Variants in SPEN observed in about 807,000 individuals in gnomAD.
SPEN encodes spen family transcriptional repressor.
A neutral mutation model predicts 269.9 loss-of-function variants in SPEN; 18 were observed. The observed-to-expected ratio is 0.07, with a 90% CI of 0.05 to 0.10. The LOEUF is 0.10. SPEN is among the 10% of genes least tolerant of loss of function. The pLI is 1.00. For missense variants in SPEN, 3,822 were observed against 4,631.2 expected (o/e 0.83, Z 5.07); for synonymous variants, 1,726 against 1,765.7 (o/e 0.98, Z 0.56).
chr1:15,900,447 TA>T (rs1459634387), intron 3 of SPEN, among the ~76,000 whole-genome samples: 3 of 152,220 alleles, frequency 2.0e-5, no homozygotes, highest in African/African-American at 7.2e-5. Flanking sequence ...TTAAAAATTA[TA>T]AAATGGTTTT....
intron 3 of SPEN, among the ~76,000 whole-genome samples, chr1:15,904,445 T>TC: frequency 2.5e-5 from 1 of 40,772 alleles, no homozygotes; most frequent in African/African-American, 1.3e-4. Flanking sequence ...AGAGCGAAAC[T>TC]CCATCTCAAA....
intron 1 of SPEN, among the ~76,000 whole-genome samples, chr1:15,872,306 G>T (rs1369745950): frequency 6.7e-6 from 1 of 149,040 alleles, no homozygotes; most frequent in Non-Finnish European, 1.5e-5. Flanking sequence ...TATATTTAAG[G>T]AATGGGCCGG....
intron 1 of SPEN, among the ~76,000 whole-genome samples, chr1:15,862,852 C>T (rs1368827705): frequency 1.3e-5 from 2 of 151,884 alleles, no homozygotes; most frequent in Non-Finnish European, 2.9e-5. Flanking sequence ...AGCTCCGCCT[C>T]CCAGGTTCAC....
chr1:15,918,465 C>T (rs1034880297), intron 6 of SPEN, among the ~76,000 whole-genome samples: 6 of 152,330 alleles, frequency 3.9e-5, no homozygotes, highest in East Asian at 1.9e-4. Context: ...GTGATCCGCC[C>T]GCCTCCACCT....
chr1:15,936,938 G>A (rs563527805), intron 11 of SPEN, among the ~76,000 whole-genome samples: 1 of 152,054 alleles, frequency 6.6e-6, no homozygotes, highest in Non-Finnish European at 1.5e-5. Flanking sequence ...ATATGGGGAG[G>A]GAGCTCTTGC....
At chr1:15,873,656 C>T (rs952625892) in intron 2 of SPEN, 47 of 996,022 alleles carry the variant, frequency 4.7e-5, no homozygotes, top group Non-Finnish European at 5.6e-5. Flanking sequence ...ATTCTACAAA[C>T]AATACTTTAA....
chr1:15,929,733 C>T lies in SPEN; in HGVS notation c.3493C>T (p.His1165Tyr), dbSNP rs1206861684. ...TEEKIGIDID[H>Y]TQSYRKQMEQ... is the part of the protein sequence containing the mutation. Reference sequence around the variant, plus strand: ...AGAAAAAATTGGCATTGACATCGATCACACGCAGAGTTACCGAAAACAAAT... The same window carrying T: ...AGAAAAAATTGGCATTGACATCGATTACACGCAGAGTTACCGAAAACAAAT... Residue 1165 changes from histidine to tyrosine, a missense_variant, in exon 11 of 15, where the codon CAC (histidine) becomes TAC (tyrosine). Physicochemically the swap from His to Tyr is moderately conservative, Grantham distance 83 (BLOSUM62 2). Coordinates refer to ENST00000375759, the MANE Select transcript of SPEN (RefSeq NM_015001.3). The surrounding 1 kb of genome is among the most constrained non-coding windows in gnomAD (Gnocchi z 5.8). 2.5e-6 allele frequency: 4 copies of T among 1,613,972 alleles called. No individual in the cohort carries two copies. The South Asian group carries it at 4.4e-5, about 18-fold the overall frequency.
intron 3 of SPEN, among the ~76,000 whole-genome samples, chr1:15,903,821 T>C (rs1274195432): frequency 1.3e-5 from 2 of 152,170 alleles, no homozygotes; most frequent in Non-Finnish European, 2.9e-5. Flanking sequence ...TTTTAATTGA[T>C]ATTGAACATG....
At chr1:15,859,172 T>G (rs1442877760) in intron 1 of SPEN, among the ~76,000 whole-genome samples, 2 of 135,516 alleles carry the variant, frequency 1.5e-5, no homozygotes, top group Non-Finnish European at 3.1e-5. Flanking sequence ...AGAGATGGGG[T>G]CTGACTATGT....
At chr1:15,926,398 C>T (rs1279335129) in intron 10 of SPEN, among the ~76,000 whole-genome samples, 2 of 151,258 alleles carry the variant, frequency 1.3e-5, no homozygotes, top group East Asian at 3.9e-4. Flanking sequence ...CACACACACA[C>T]ACACACACAC....
chr1:15,910,506 A>G (rs1227240794), intron 4 of SPEN, among the ~76,000 whole-genome samples: 1 of 152,050 alleles, frequency 6.6e-6, no homozygotes, highest in Non-Finnish European at 1.5e-5. Context: ...TATGAAACCT[A>G]CCCCAAAGTA....
rs143503585 is a variant in SPEN, at chr1:15,932,710, G to T, written c.6470G>T (p.Gly2157Val). 230 of 1,614,120 alleles carry T rather than the reference G, an allele frequency of 1.4e-4. 1 individual carries two copies. In the African/African-American group the frequency reaches 2.9e-3, roughly 20 times the overall value. ...EPEKEDVSAS[G>V]PSPEATQLAK... ...GAGAAAGAAGACGTGTCTGCCTCTG[G>T]GCCGTCCCCAGAAGCCACCCAGTTA... Residue 2157 changes from glycine (G) to valine (V), a missense_variant, in exon 11 of 15, where the codon GGG (glycine) becomes GTG (valine). Physicochemically the swap from Gly to Val is moderately radical, Grantham distance 109. This residue lies in a region of SPEN where 727 missense variants were observed against 737.9 expected (regional missense o/e 0.99). Coordinates refer to ENST00000375759, the MANE Select transcript of SPEN (RefSeq NM_015001.3). The surrounding 1 kb of genome is among the most constrained non-coding windows in gnomAD (Gnocchi z 4.2).
rs114444513 is a variant in SPEN, at chr1:15,910,816, C to T, written c.1043-285C>T. Among the ~76,000 whole-genome samples, 629 of 152,096 alleles carry T rather than the reference C, an allele frequency of 4.1e-3. 4 individuals are homozygous for T. Among genetic ancestry groups the T allele is most frequent in the African/African-American group, 0.015 (606 of 41,498 alleles). On this transcript the variant is annotated intron_variant, in intron 4 of 14. Coordinates refer to ENST00000375759, the MANE Select transcript of SPEN (RefSeq NM_015001.3). ...TATTTTCAGAATTGTACAATAATCTCGAAACCGTGTTTTTAGAGCTTTTTT... is the reference window on the plus strand; with the variant it reads ...TATTTTCAGAATTGTACAATAATCTTGAAACCGTGTTTTTAGAGCTTTTTT...
Position 15,936,246 on chromosome 1 carries a change from C to A in SPEN, c.10006C>A (p.Arg3336=), listed in dbSNP as rs369486221. ...CGCTTCCTCTGTTGGCCTGCCTTCCCGGACCAAGACAGCTGCTCAGGTGAG... is the reference window on the plus strand; with the variant it reads ...CGCTTCCTCTGTTGGCCTGCCTTCCAGGACCAAGACAGCTGCTCAGGTGAG... ...PAASSVGLPS[R]TKTAAQGPPP... is the part of the protein sequence containing the mutation. The change falls in exon 11 of 15, where the codon CGG becomes AGG. Residue 3336 remains arginine (R), a synonymous_variant. Coordinates refer to ENST00000375759, the MANE Select transcript of SPEN (RefSeq NM_015001.3). 7 of 1,550,126 alleles carry A rather than the reference C, an allele frequency of 4.5e-6. No individual in the cohort carries two copies. Among genetic ancestry groups the A allele is most frequent in the African/African-American group, 4.1e-5 (3 of 73,888 alleles).
Position 15,931,807 on chromosome 1 carries a change from A to G in SPEN, c.5567A>G (p.Asn1856Ser), listed in dbSNP as rs113470169. ...GACCGGGAAAAACTCAAGCGGTCCA[A>G]TTCTCCTCGGGGAGAAGCACAGAAG... ...RIDREKLKRS[N>S]SPRGEAQKLL... Residue 1856 changes from asparagine to serine, a missense_variant, in exon 11 of 15, where the codon AAT becomes AGT. Around this residue, in one of 16 missense-constraint regions of SPEN, gnomAD observed 533 missense variants for 618.8 expected, o/e 0.86. Coordinates refer to ENST00000375759, the MANE Select transcript of SPEN (RefSeq NM_015001.3). The surrounding 1 kb of genome is among the most constrained non-coding windows in gnomAD (Gnocchi z 4.8). The G allele has an allele frequency of 7.2e-3, 11,648 of 1,614,232 alleles. 60 individuals are homozygous for G. Among genetic ancestry groups the G allele is most frequent in the Non-Finnish European group, 9.0e-3 (10,602 of 1,180,044 alleles).
Position 15,930,044 on chromosome 1 carries a change from C to A in SPEN, c.3804C>A (p.Ser1268=), listed in dbSNP as rs151219539. 6.2e-7 allele frequency: 1 copy of A among 1,614,158 alleles called. No homozygotes were observed. The highest frequency in any genetic ancestry group is 1.3e-5 in the African/African-American group (1 of 75,044). Residue 1268 remains serine, a synonymous_variant, in exon 11 of 15, where the codon TCC becomes TCA. Coordinates refer to ENST00000375759, the MANE Select transcript of SPEN (RefSeq NM_015001.3). The surrounding 1 kb of genome is among the most constrained non-coding windows in gnomAD (Gnocchi z 5.3). ...TGGSPSVRHG[S]FHEDEDPIGS... is the part of the protein sequence containing the mutation. ...GTTCTCCCAGTGTCCGACATGGTTC[C>A]TTCCATGAAGATGAGGATCCCATAG... is the stretch of plus-strand genomic sequence containing the variant.
At position 15,928,852 on chromosome 1, in the gene SPEN, G is replaced by T. The variant is rs747275202; in HGVS notation, c.2612G>T (p.Arg871Leu). 2.5e-6 allele frequency: 4 copies of T among 1,613,974 alleles called. No individual in the cohort carries two copies. Among genetic ancestry groups the T allele is most frequent in the Admixed American group, 1.7e-5 (1 of 59,990 alleles). Residue 871 changes from arginine to leucine, a missense_variant, in exon 11 of 15, where the codon CGC becomes CTC. Around this residue, in one of 16 missense-constraint regions of SPEN, gnomAD observed 572 missense variants for 582.6 expected, o/e 0.98. Transcript: ENST00000375759. The surrounding 1 kb of genome is among the most constrained non-coding windows in gnomAD (Gnocchi z 5.7). Reference sequence around the variant, plus strand: ...GACAAAGAGGGAATAGCGAAAAACCGCCTGGAACTCATGCCTTGCGTGGTT... The same window carrying T: ...GACAAAGAGGGAATAGCGAAAAACCTCCTGGAACTCATGCCTTGCGTGGTT... ...KADKEGIAKN[R>L]LELMPCVVLT...
chr1:15,905,641 T>TGGCTCACTGCAACCTC (rs1478822850), intron 3 of SPEN, among the ~76,000 whole-genome samples: 2 of 148,922 alleles, frequency 1.3e-5, no homozygotes, highest in Admixed American at 1.3e-4. Context: ...AGTGCAATCT[T>TGGCTCACTGCAACCTC]GGCTCACTGC....
At chr1:15,895,441 T>G (rs1474407560) in intron 3 of SPEN, among the ~76,000 whole-genome samples, 2 of 152,200 alleles carry the variant, frequency 1.3e-5, no homozygotes, top group Non-Finnish European at 2.9e-5. Context: ...GTGTCTGGCT[T>G]ATTTCACTTA....
Sources: allele counts gnomAD v4.1 joint callset (sites outside exome capture counted in the v4.1 genomes callset), GRCh38; gene constraint gnomAD v4.1.1; regional missense constraint gnomAD v4.1.1; non-coding constraint Gnocchi (gnomAD v3.1); transcripts MANE v1.5; gene names NCBI Gene and HGNC (gene_info 2026-07-23, HGNC 2026-07-21).